The following ADCY5 variants were observed in gnomAD, a reference collection of about 807,000 sequenced individuals.
ADCY5 encodes adenylate cyclase type 5.
A neutral mutation model predicts 119.7 loss-of-function variants in ADCY5; 30 were observed. The ratio of observed to expected loss-of-function variants is 0.25; its 90% confidence interval spans 0.19 to 0.34. The LOEUF is 0.34. ADCY5 is among the 10% of genes least tolerant of loss of function. The probability of loss-of-function intolerance (pLI) is 1.00; values close to 1 mark genes in which losing one functional copy is unlikely to be tolerated. For missense variants in ADCY5, 1,324 were observed against 1,775.2 expected (o/e 0.75, Z 4.57); for synonymous variants, 753 against 762.2 (o/e 0.99, Z 0.20).
chr3:123,316,352 C>T (rs1028723356), intron 11 of ADCY5, among the ~76,000 whole-genome samples: 1 of 152,094 alleles, frequency 6.6e-6, no homozygotes, highest in Admixed American at 6.5e-5. Flanking sequence ...CAACTACATG[C>T]GACATGGGAT....
At chr3:123,338,866 G>A (rs954715894) in intron 3 of ADCY5, among the ~76,000 whole-genome samples, 1 of 152,174 alleles carries the variant, frequency 6.6e-6, no homozygotes, top group Non-Finnish European at 1.5e-5. Context: ...ACAGGCCCAT[G>A]ACTTTATGAA....
chr3:123,398,117 C>T (rs1944655332), intron 1 of ADCY5, among the ~76,000 whole-genome samples: 1 of 152,224 alleles, frequency 6.6e-6, no homozygotes, highest in Non-Finnish European at 1.5e-5. Context: ...ATCTGCTGCC[C>T]TCCTGCACAC....
chr3:123,414,455 T>C (rs1178153231), intron 1 of ADCY5, among the ~76,000 whole-genome samples: 1 of 152,236 alleles, frequency 6.6e-6, no homozygotes, highest in Non-Finnish European at 1.5e-5. Flanking sequence ...AGCCGGTGAT[T>C]TCCTGTGTCC....
chr3:123,320,760 G>A lies in ADCY5; in HGVS notation c.2100C>T (p.Asp700=). Residue 700 remains aspartate, a synonymous_variant, in exon 9 of 21, where the codon GAC becomes GAT. Coordinates refer to ENST00000462833, the MANE Select transcript of ADCY5 (RefSeq NM_183357.3). ...SKEMKRMGFE[D]PKDKNAQESA... ...GGCATATTACTCACTTGTCCTTGGG[G>A]TCTTCAAAGCCCTAGAAGAGAAGGA... 1 of 1,610,216 alleles carries A rather than the reference G, an allele frequency of 6.2e-7. No homozygotes were observed. Among genetic ancestry groups the A allele is most frequent in the Non-Finnish European group, 8.5e-7 (1 of 1,176,558 alleles).
chr3:123,291,773 C>T (rs576201857), intron 17 of ADCY5, among the ~76,000 whole-genome samples: 53 of 152,308 alleles, frequency 3.5e-4, no homozygotes, highest in African/African-American at 1.2e-3. Context: ...TCCAGCTCCC[C>T]GGTGCTCCTC....
At chr3:123,371,879 T>C (rs1325418169) in intron 1 of ADCY5, among the ~76,000 whole-genome samples, 2 of 152,090 alleles carry the variant, frequency 1.3e-5, no homozygotes, top group Non-Finnish European at 2.9e-5. Flanking sequence ...GGGCTGCTCC[T>C]AAGCCAGATT....
At chr3:123,330,351 G>T (rs186016905) in intron 5 of ADCY5, among the ~76,000 whole-genome samples, 46 of 152,338 alleles carry the variant, frequency 3.0e-4, no homozygotes, top group African/African-American at 1.1e-3. Context: ...TCCTTCTGTG[G>T]CCAGTGATAG....
chr3:123,297,392 G>C lies in ADCY5; in HGVS notation c.2901-10C>G, dbSNP rs748642439. The stretch of plus-strand genomic sequence containing the variant: ...GTTGTTGAAGAAGTCTCTGTGAAGA[G>C]AGTTGGGGAAGACTGGTCAGGGCCA... On this transcript the variant is annotated splice_polypyrimidine_tract_variant and intron_variant, in intron 15 of 20. Transcript: ENST00000462833. 38 of 1,613,834 alleles carry C rather than the reference G, an allele frequency of 2.4e-5. No individual in the cohort carries two copies. Among genetic ancestry groups the C allele is most frequent in the Middle Eastern group, 3.3e-4 (2 of 6,084 alleles).
At chr3:123,424,751 G>T (rs1945368060) in intron 1 of ADCY5, among the ~76,000 whole-genome samples, 1 of 151,774 alleles carries the variant, frequency 6.6e-6, no homozygotes, top group Non-Finnish European at 1.5e-5. Context: ...AGGTTTGAAG[G>T]GTGTGTGTGT....
chr3:123,431,008 G>C (rs1445163258), intron 1 of ADCY5, among the ~76,000 whole-genome samples: 1 of 152,186 alleles, frequency 6.6e-6, no homozygotes, highest in Non-Finnish European at 1.5e-5. Flanking sequence ...AACTTTCCTA[G>C]TCTTGGCCAC....
intron 10 of ADCY5, 145 bp from the exon 11 acceptor site, chr3:123,318,262 G>C (rs887787068): frequency 3.2e-6 from 2 of 621,886 alleles, no homozygotes; most frequent in Non-Finnish European, 5.8e-6. Flanking sequence ...TCGAGAACCA[G>C]AGTCAAACTT....
At chr3:123,320,823 C>T (rs553710949) in intron 8 of ADCY5, 52 bp from the exon 9 acceptor site, 3 of 1,434,034 alleles carry the variant, frequency 2.1e-6, no homozygotes, top group Non-Finnish European at 2.9e-6. Flanking sequence ...ACAGAGAGAA[C>T]TGAAAGCTCA....
intron 1 of ADCY5, among the ~76,000 whole-genome samples, chr3:123,421,444 A>C (rs558302961): frequency 6.6e-6 from 1 of 152,220 alleles, no homozygotes; most frequent in African/African-American, 2.4e-5. Context: ...TCATACTGTT[A>C]GCACTTGTGC....
chr3:123,371,784 C>T (rs890580797), intron 1 of ADCY5, among the ~76,000 whole-genome samples: 3 of 151,746 alleles, frequency 2.0e-5, no homozygotes, highest in Admixed American at 2.0e-4. Flanking sequence ...GATTGTCCCC[C>T]ACCCCCACCC....
chr3:123,386,596 A>G (rs1343960761), intron 1 of ADCY5, among the ~76,000 whole-genome samples: 1 of 152,110 alleles, frequency 6.6e-6, no homozygotes, highest in African/African-American at 2.4e-5. Context: ...TTTGCTGCTA[A>G]ATCATATGGT....
Position 123,352,973 on chromosome 3 carries a change from G to GAGTCC in ADCY5, c.1135-397_1135-393dup, listed in dbSNP as rs2108500383. Among the ~76,000 whole-genome samples the GAGTCC allele has an allele frequency of 6.6e-6, 1 of 152,314 alleles. No homozygotes were observed. Among genetic ancestry groups the GAGTCC allele is most frequent in the Non-Finnish European group, 1.5e-5 (1 of 68,024 alleles). ...GGATTTCACTTTTGAAAGTGTGATA[G>GAGTCC]AGTCCAGTACAGGACAAGGGGCCAC... is the stretch of plus-strand genomic sequence containing the variant. On this transcript the variant is annotated intron_variant, in intron 1 of 20. Coordinates refer to ENST00000462833, the MANE Select transcript of ADCY5 (RefSeq NM_183357.3). This position sits in a 1 kb window ranked among gnomAD's most constrained non-coding sequence, Gnocchi z 4.8.
At chr3:123,379,685 G>A (rs1943963110) in intron 1 of ADCY5, among the ~76,000 whole-genome samples, 1 of 151,954 alleles carries the variant, frequency 6.6e-6, no homozygotes, top group African/African-American at 2.4e-5. Flanking sequence ...GGGGGTGGGT[G>A]TGTGGGTGAG....
At chr3:123,379,891 T>G (rs62265772) in intron 1 of ADCY5, among the ~76,000 whole-genome samples, 27,657 of 152,136 alleles carry the variant, frequency 0.18, 2,863 homozygotes, top group Middle Eastern at 0.25. Context: ...CTCTAATAGA[T>G]TCTTCTCATT....
rs572192721 is a variant in ADCY5, at chr3:123,284,194, G to A, written c.*414C>T. 1.2e-3 allele frequency: 208 copies of A among 168,346 alleles called. 1 individual carries two copies. Among genetic ancestry groups the A allele is most frequent in the African/African-American group, 4.7e-3 (196 of 41,886 alleles). 10.4% of individuals were successfully genotyped at this position (168,346 alleles called of 1,614,324 possible). A position where few individuals can be genotyped will look rare whatever the true frequency, so the allele number is the denominator to read the frequency against. ...TCACATAGAAAAGCAGACCCCTGGG[G>A]CCCCCTAGGCTCTCCCAGGCCACAT... On this transcript the variant is annotated 3_prime_UTR_variant, in exon 21 of 21. Coordinates refer to ENST00000462833, the MANE Select transcript of ADCY5 (RefSeq NM_183357.3).
Sources: gnomAD v4.1 joint callset for allele counts (sites outside exome capture counted in the v4.1 genomes callset) on GRCh38, gnomAD v4.1.1 for gene constraint, Gnocchi (gnomAD v3.1) non-coding constraint, MANE v1.5 for transcripts, NCBI Gene and HGNC (gene_info 2026-07-23, HGNC 2026-07-21) for gene names.